DNAH6: variants seen among roughly 807,000 people sequenced by gnomAD.
The protein encoded by DNAH6 is dynein axonemal heavy chain 6.
A neutral mutation model predicts 491.4 loss-of-function variants in DNAH6; 340 were observed. The observed-to-expected ratio is 0.69, with a 90% CI of 0.63 to 0.76. The LOEUF (loss-of-function observed/expected upper bound fraction) is 0.76. Among genes scored for constraint, DNAH6 ranks in the 30% least tolerant of loss-of-function variants. The pLI is 0.00. For missense variants in DNAH6, 4,443 were observed against 4,972.2 expected, an observed-to-expected ratio of 0.89 and a Z score of 3.20; for synonymous variants, 1,603 against 1,686.1, an observed-to-expected ratio of 0.95 and a Z score of 1.21.
At chr2:84,477,518 C>A in the DNAH6 span, among the ~76,000 whole-genome samples, 1 of 152,188 alleles carries the variant, frequency 6.6e-6, no homozygotes, top group East Asian at 1.9e-4. Context: ...CACCTCCTTT[C>A]AAGTACATGC....
intron 33 of DNAH6, among the ~76,000 whole-genome samples, chr2:84,652,192 A>G (rs1228907020): frequency 6.6e-6 from 1 of 151,996 alleles, no homozygotes; most frequent in Non-Finnish European, 1.5e-5. Context: ...CACATTTTTT[A>G]TTTAAATAGA....
rs148733159 is a variant in DNAH6 at position 84,659,006 on chromosome 2, G to C, written c.5941-20G>C. 682 of 1,322,214 alleles carry C rather than the reference G, an allele frequency of 5.2e-4. 6 individuals are homozygous for C. The East Asian group carries it at 0.015, about 29-fold the overall frequency. 81.9% of individuals were successfully genotyped at this position (1,322,214 alleles called of 1,614,324 possible). ...TGTTCATATATAAAATATTAAGTCT[G>C]TTTCTCTTTATTCTTTCAGGAACAA... On this transcript the variant is annotated intron_variant, in intron 36 of 76. Transcript: ENST00000389394.
At chr2:84,595,562 CTT>C in intron 17 of DNAH6, 82 bp from the exon 18 acceptor site, 1 of 1,269,508 alleles carries the variant, frequency 7.9e-7, no homozygotes, top group Admixed American at 2.9e-5. Flanking sequence ...TTTGGATTAA[CTT>C]TTAAAAGTTT....
chr2:84,819,539 T>A lies in DNAH6; in HGVS notation c.*131T>A. ...TTTGACTTAAACGTATTGTGACTTT[T>A]ATTTCTCTTATGACCTTAAAATAAA... is the stretch of plus-strand genomic sequence containing the variant. On this transcript the variant is annotated 3_prime_UTR_variant, in exon 77 of 77. Coordinates refer to ENST00000389394, the MANE Select transcript of DNAH6 (RefSeq NM_001370.2). 1 of 567,994 alleles carries A rather than the reference T, an allele frequency of 1.8e-6. No individual in the cohort carries two copies. Among genetic ancestry groups the A allele is most frequent in the South Asian group, 2.5e-5 (1 of 39,410 alleles). 35.2% of individuals were successfully genotyped at this position (567,994 alleles called of 1,614,324 possible).
chr2:84,604,173 G>A (rs1433234442), intron 18 of DNAH6, among the ~76,000 whole-genome samples, 166 bp from the exon 19 acceptor site: 1 of 152,132 alleles, frequency 6.6e-6, no homozygotes, highest in Admixed American at 6.5e-5. Flanking sequence ...TTTTCTAATA[G>A]GCTCAATTAG....
chr2:84,704,053 G>A lies in DNAH6; in HGVS notation c.8230-14G>A, dbSNP rs957420710. 1.3e-6 allele frequency: 2 copies of A among 1,546,500 alleles called. No homozygotes were observed. Among genetic ancestry groups the A allele is most frequent in the Non-Finnish European group, 1.7e-6 (2 of 1,143,418 alleles). On this transcript the variant is annotated splice_polypyrimidine_tract_variant and intron_variant, in intron 50 of 76. Coordinates refer to ENST00000389394, the MANE Select transcript of DNAH6 (RefSeq NM_001370.2). Reference sequence around the variant, plus strand: ...ATAATGAGGCCACTTAAGCAGTCATGTTTCAATGGTTAGGTCCGTAACACT... The same window carrying A: ...ATAATGAGGCCACTTAAGCAGTCATATTTCAATGGTTAGGTCCGTAACACT...
At chr2:84,811,105 G>A (rs530387775) in intron 72 of DNAH6, among the ~76,000 whole-genome samples, 1 of 152,312 alleles carries the variant, frequency 6.6e-6, no homozygotes, top group Admixed American at 6.5e-5. Flanking sequence ...ACAAATCTAA[G>A]TAAAACACTT....
intron 32 of DNAH6, among the ~76,000 whole-genome samples, chr2:84,641,044 T>C (rs1239659342): frequency 6.6e-6 from 1 of 152,200 alleles, no homozygotes; most frequent in Non-Finnish European, 1.5e-5. Flanking sequence ...ATTTCACCTC[T>C]GTCTTTATAA....
At chr2:84,510,694 T>A in the DNAH6 span, among the ~76,000 whole-genome samples, 1 of 152,172 alleles carries the variant, frequency 6.6e-6, no homozygotes, top group Non-Finnish European at 1.5e-5. Flanking sequence ...TTTTTCCCCA[T>A]CTTTGTGGTT....
At position 84,674,748 on chromosome 2, in the gene DNAH6, C is replaced by G. The variant is rs565999341; in HGVS notation, c.6613-2257C>G. 1.2e-4 allele frequency among the ~76,000 whole-genome samples: 19 copies of G among 152,296 alleles called. No individual in the cohort carries two copies. In the East Asian group the frequency reaches 3.3e-3, roughly 26 times the overall value. On this transcript the variant is annotated intron_variant, in intron 40 of 76. Transcript: ENST00000389394. ...CTTTGCAGGTTTAGAATTCCCCTGA[C>G]TCAGTGCCATGGGGATGAGGGTGGG...
At chr2:84,588,802 C>T (rs1392182543) in intron 15 of DNAH6, 24 bp from the exon 16 acceptor site, 5 of 1,503,324 alleles carry the variant, frequency 3.3e-6, no homozygotes, top group South Asian at 2.7e-5. Context: ...GAATGGCTAA[C>T]CAAAAACTGT....
Position 84,694,443 on chromosome 2 carries a change from A to C in DNAH6, c.7487A>C (p.Glu2496Ala). ...AAGTTGTACAAAATGGCTGGTGTAG[A>C]AGACAAGAATATGGTTTTCCTTTTC... is the stretch of plus-strand genomic sequence containing the variant. ...LRKLYKMAGV[E>A]DKNMVFLFTD... Residue 2496 changes from glutamate to alanine, a missense_variant, in exon 46 of 77, where the codon GAA (glutamate) becomes GCA (alanine). Physicochemically the swap from Glu to Ala is moderately radical, Grantham distance 107. This residue lies in a region of DNAH6 where 2,977 missense variants were observed against 3,296.6 expected (regional missense o/e 0.90). Transcript: ENST00000389394. 1 of 1,551,974 alleles carries C rather than the reference A, an allele frequency of 6.4e-7. No individual in the cohort carries two copies. Among genetic ancestry groups the C allele is most frequent in the Non-Finnish European group, 8.7e-7 (1 of 1,147,044 alleles).
At chr2:84,798,437 C>T (rs1678545716) in intron 70 of DNAH6, among the ~76,000 whole-genome samples, 1 of 152,188 alleles carries the variant, frequency 6.6e-6, no homozygotes, top group South Asian at 2.1e-4. Flanking sequence ...AAAGAATAAG[C>T]AGAGGCACAG....
At chr2:84,479,428 C>T in the DNAH6 span, among the ~76,000 whole-genome samples, 1 of 152,220 alleles carries the variant, frequency 6.6e-6, no homozygotes, top group Non-Finnish European at 1.5e-5. Flanking sequence ...GCCCTATTTT[C>T]AGGGCAATGC....
intron 18 of DNAH6, among the ~76,000 whole-genome samples, chr2:84,601,024 A>AACGTTATTATTATAGT: frequency 6.8e-6 from 1 of 147,238 alleles, no homozygotes; most frequent in African/African-American, 2.5e-5. Flanking sequence ...TTATAATAAT[A>AACGTTATTATTATAGT]ATGTTATTAT....
intron 33 of DNAH6, among the ~76,000 whole-genome samples, chr2:84,644,910 A>T (rs1689755464): frequency 6.6e-6 from 1 of 152,182 alleles, no homozygotes; most frequent in South Asian, 2.1e-4. Context: ...ATACACATGC[A>T]TATGTCTTTA....
chr2:84,730,539 C>G (rs1278887059), intron 61 of DNAH6, among the ~76,000 whole-genome samples: 1 of 151,782 alleles, frequency 6.6e-6, no homozygotes, highest in African/African-American at 2.4e-5. Context: ...ACACTAATGA[C>G]AGCTGATGAG....
At position 84,584,104 on chromosome 2, in the gene DNAH6, A is replaced by G. The variant is rs979547381; in HGVS notation, c.2335A>G (p.Met779Val). 1.2e-6 allele frequency: 2 copies of G among 1,614,066 alleles called. No individual in the cohort carries two copies. The highest frequency in any genetic ancestry group is 1.1e-5 in the South Asian group (1 of 91,084). The change falls in exon 15 of 77, where the codon ATG becomes GTG. Residue 779 changes from methionine (M) to valine (V), a missense_variant. Met to Val is a conservative substitution (Grantham distance 21, BLOSUM62 1). Transcript: ENST00000389394. The stretch of plus-strand genomic sequence containing the variant: ...TGAAGACTTTGCTGTTTTTGCAACT[A>G]TGAAGCCATCCATTGTTGCTGTTCG... ...PPEDFAVFAT[M>V]KPSIVAVRNA...
At chr2:84,639,505 A>G (rs1211357418) in intron 31 of DNAH6, among the ~76,000 whole-genome samples, 2 of 145,228 alleles carry the variant, frequency 1.4e-5, no homozygotes, top group Admixed American at 7.2e-5. Context: ...TGCAACCTCC[A>G]TCTCCCAGGT....
Sources: gnomAD v4.1 joint callset for allele counts (sites outside exome capture counted in the v4.1 genomes callset) on GRCh38, gnomAD v4.1.1 for gene constraint, gnomAD v4.1.1 regional missense constraint, MANE v1.5 for transcripts, NCBI Gene and HGNC (gene_info 2026-07-23, HGNC 2026-07-21) for gene names.